Variants in RPS6KA5 observed in about 807,000 individuals in gnomAD.
RPS6KA5 encodes ribosomal protein S6 kinase A5.
RPS6KA5 carries 27 observed loss-of-function variants against 85.5 expected under a neutral mutation model. That is an observed-to-expected ratio of 0.32 (90% CI 0.23 to 0.44). The LOEUF (loss-of-function observed/expected upper bound fraction) is 0.44. RPS6KA5 is among the 20% of genes least tolerant of loss of function. RPS6KA5 has a pLI of 1.00. For missense variants in RPS6KA5, 811 were observed against 980.9 expected (o/e 0.83, Z 2.31); for synonymous variants, 334 against 348.2 (o/e 0.96, Z 0.46).
chr14:90,978,228 T>C, intron 3 of RPS6KA5, 78 bp downstream of exon 3: 1 of 1,039,538 alleles, frequency 9.6e-7, no homozygotes. Flanking sequence ...CCATAGTATC[T>C]TGCCCTTTAA....
At chr14:90,999,153 A>G (rs939628827) in intron 2 of RPS6KA5, among the ~76,000 whole-genome samples, 5 of 152,202 alleles carry the variant, frequency 3.3e-5, no homozygotes, top group African/African-American at 1.2e-4. Context: ...AGTTGCAGTG[A>G]GCCAAGATCG....
intron 16 of RPS6KA5, among the ~76,000 whole-genome samples, chr14:90,872,919 G>T (rs888091691): frequency 6.6e-6 from 1 of 152,188 alleles, no homozygotes; most frequent in Non-Finnish European, 1.5e-5. Flanking sequence ...TGCAACCTAT[G>T]TCACTGAGAA....
At chr14:90,880,660 A>G (rs2033778049) in intron 14 of RPS6KA5, among the ~76,000 whole-genome samples, 2 of 152,136 alleles carry the variant, frequency 1.3e-5, no homozygotes, top group South Asian at 4.1e-4. Context: ...GAAGTCTCCA[A>G]TAATTATTAC....
chr14:91,000,933 T>G (rs983665511), intron 2 of RPS6KA5, among the ~76,000 whole-genome samples, 155 bp downstream of exon 2: 2 of 152,234 alleles, frequency 1.3e-5, no homozygotes, highest in Admixed American at 6.5e-5. Flanking sequence ...CCTTTTGTGC[T>G]TCTATGAATG....
chr14:90,978,551 G>C (rs780925824), intron 2 of RPS6KA5, 27 bp from the exon 3 acceptor site: 16 of 1,506,864 alleles, frequency 1.1e-5, no homozygotes, highest in Non-Finnish European at 1.4e-5. Context: ...AAAATAAAAA[G>C]AATTAAAATG....
At chr14:90,970,240 CA>C (rs1220078451) in intron 3 of RPS6KA5, among the ~76,000 whole-genome samples, 1 of 152,130 alleles carries the variant, frequency 6.6e-6, no homozygotes, top group African/African-American at 2.4e-5. Flanking sequence ...GTGAATTAGT[CA>C]TATTTACTTC....
chr14:90,888,698 A>G (rs2034377788), intron 14 of RPS6KA5, among the ~76,000 whole-genome samples: 1 of 152,218 alleles, frequency 6.6e-6, no homozygotes, highest in African/African-American at 2.4e-5. Context: ...ATTTAGGACA[A>G]TATTTTCATA....
chr14:90,969,069 G>A (rs72697542), intron 3 of RPS6KA5, among the ~76,000 whole-genome samples: 5,350 of 152,230 alleles, frequency 0.035, 136 homozygotes, highest in Non-Finnish European at 0.051. Flanking sequence ...GTGTGTGTAT[G>A]TGTGTTTGTA....
intron 8 of RPS6KA5, among the ~76,000 whole-genome samples, chr14:90,904,890 C>G (rs2035418484): frequency 6.6e-6 from 1 of 152,076 alleles, no homozygotes; most frequent in South Asian, 2.1e-4. Context: ...ATAGAGGGAG[C>G]AATGGAGAAA....
At position 91,034,975 on chromosome 14, in the gene RPS6KA5, G is replaced by T. The variant is rs373651771; in HGVS notation, c.103+25357C>A. On this transcript the variant is annotated intron_variant, in intron 1 of 16. Coordinates refer to ENST00000614987, the MANE Select transcript of RPS6KA5 (RefSeq NM_004755.4). ...AGAGGTGTTCACAATTTGATGGGGGGAGGGGAGACAAATATATAATTACAA... is the reference window on the plus strand; with the variant it reads ...AGAGGTGTTCACAATTTGATGGGGGTAGGGGAGACAAATATATAATTACAA... Among the ~76,000 whole-genome samples the T allele has an allele frequency of 2.0e-5, 3 of 152,174 alleles. No individual in the cohort carries two copies. In the East Asian group the frequency reaches 5.8e-4, roughly 29 times the overall value.
chr14:91,054,581 G>A (rs1025482287), intron 1 of RPS6KA5, among the ~76,000 whole-genome samples: 1 of 150,498 alleles, frequency 6.6e-6, no homozygotes, highest in African/African-American at 2.5e-5. Flanking sequence ...AGGTTGCAGT[G>A]AGGCAAGATC....
intron 2 of RPS6KA5, among the ~76,000 whole-genome samples, chr14:90,988,854 T>G (rs1031284478): frequency 3.9e-5 from 6 of 152,112 alleles, no homozygotes; most frequent in Non-Finnish European, 7.4e-5. Flanking sequence ...AAATATAATC[T>G]TTCCATTTGA....
At chr14:91,007,720 TG>T (rs942838351) in intron 1 of RPS6KA5, among the ~76,000 whole-genome samples, 8 of 151,964 alleles carry the variant, frequency 5.3e-5, no homozygotes, top group Admixed American at 5.2e-4. Context: ...TTTTTTTTTT[TG>T]GTAGTAGCCA....
chr14:91,005,451 A>G (rs1161184228), intron 1 of RPS6KA5, among the ~76,000 whole-genome samples: 1 of 152,202 alleles, frequency 6.6e-6, no homozygotes, highest in African/African-American at 2.4e-5. Context: ...CATTACATCT[A>G]CTGGCAAAGT....
rs34407471 is a variant in RPS6KA5, at chr14:91,020,534, CTGTGTGTGTGTGTGTG to C, written c.104-19391_104-19376del. Among the ~76,000 whole-genome samples the C allele has an allele frequency of 1.3e-3, 138 of 110,050 alleles. 2 individuals are homozygous for C. Among genetic ancestry groups the C allele is most frequent in the Admixed American group, 5.3e-3 (59 of 11,054 alleles). The allele number at this position is 110,050 out of a possible 152,430, so 72.2% of individuals were successfully genotyped here. On this transcript the variant is annotated intron_variant, in intron 1 of 16. Coordinates refer to ENST00000614987, the MANE Select transcript of RPS6KA5 (RefSeq NM_004755.4). ...ATCTCCTATGGATGCTAAGGAATGA[CTGTGTGTGTGTGTGTG>C]TGTGTGTGTGTGTGTGTGTGTGTGT...
intron 5 of RPS6KA5, among the ~76,000 whole-genome samples, chr14:90,928,574 AAAGT>A (rs1254146865): frequency 3.3e-5 from 5 of 151,842 alleles, no homozygotes; most frequent in Admixed American, 6.6e-5. Flanking sequence ...GAGATTTTTA[AAAGT>A]AAGGAAATTC....
At chr14:90,889,791 G>A (rs1424333241) in intron 14 of RPS6KA5, among the ~76,000 whole-genome samples, 5 of 152,132 alleles carry the variant, frequency 3.3e-5, no homozygotes, top group African/African-American at 1.2e-4. Context: ...CTAAAGGGGA[G>A]GAGGGGCTGA....
intron 6 of RPS6KA5, 23 bp from the exon 7 acceptor site, chr14:90,920,332 T>C (rs767726333): frequency 2.1e-6 from 3 of 1,399,100 alleles, no homozygotes; most frequent in African/African-American, 2.9e-5. Context: ...AATAATTTCA[T>C]TTTATAGAAT....
intron 5 of RPS6KA5, among the ~76,000 whole-genome samples, chr14:90,940,741 G>A (rs536218941): frequency 1.6e-4 from 25 of 152,298 alleles, no homozygotes; most frequent in East Asian, 7.7e-4. Flanking sequence ...GAACCAGGGC[G>A]CACAGCAGGA....
Sources: gnomAD v4.1 joint callset for allele counts (sites outside exome capture counted in the v4.1 genomes callset) on GRCh38, gnomAD v4.1.1 for gene constraint, MANE v1.5 for transcripts, NCBI Gene and HGNC (gene_info 2026-07-23, HGNC 2026-07-21) for gene names.